The following KCND2 variants were observed in gnomAD, a reference collection of about 807,000 sequenced individuals.
The protein encoded by KCND2 is A-type voltage-gated potassium channel KCND2.
In KCND2, 16 loss-of-function variants were observed where a neutral mutation model predicts 54.4. The ratio of observed to expected loss-of-function variants is 0.29; its 90% CI spans 0.20 to 0.45. The LOEUF (loss-of-function observed/expected upper bound fraction) is 0.45. KCND2 is among the 20% of genes least tolerant of loss of function. The probability of loss-of-function intolerance (pLI) is 1.00; values close to 1 mark genes in which losing one functional copy is unlikely to be tolerated. For synonymous variants in KCND2, 317 were observed against 310.7 expected, an observed-to-expected ratio of 1.02 and a Z score of -0.21; for missense variants, 486 against 824.2, an observed-to-expected ratio of 0.59 and a Z score of 5.02.
At chr7:120,513,242 A>G (rs751193682) in intron 1 of KCND2, among the ~76,000 whole-genome samples, 1 of 152,168 alleles carries the variant, frequency 6.6e-6, no homozygotes, top group Non-Finnish European at 1.5e-5. Flanking sequence ...AGGTTTCGAC[A>G]TATGTACCTG....
chr7:120,429,018 A>C (rs774756074), intron 1 of KCND2, among the ~76,000 whole-genome samples: 1 of 152,098 alleles, frequency 6.6e-6, no homozygotes, highest in Non-Finnish European at 1.5e-5. Context: ...AATTGTCAAG[A>C]AGTTGGGAAG....
chr7:120,739,645 G>A (rs1792915065), intron 2 of KCND2, among the ~76,000 whole-genome samples: 1 of 151,914 alleles, frequency 6.6e-6, no homozygotes, highest in Non-Finnish European at 1.5e-5. Context: ...AATAAATTTA[G>A]GAAGGAAGGG....
chr7:120,650,855 TC>T (rs1791723256), intron 1 of KCND2, among the ~76,000 whole-genome samples: 1 of 143,818 alleles, frequency 7.0e-6, no homozygotes, highest in African/African-American at 2.7e-5. Flanking sequence ...CAGCTGCAGG[TC>T]TGTTGGAGTT....
At chr7:120,567,270 C>T (rs1378975738) in intron 1 of KCND2, among the ~76,000 whole-genome samples, 1 of 152,084 alleles carries the variant, frequency 6.6e-6, no homozygotes, top group Non-Finnish European at 1.5e-5. Flanking sequence ...AGTCTGTGGA[C>T]AGTCATATGT....
At chr7:120,729,492 AC>A (rs1355860226) in intron 1 of KCND2, among the ~76,000 whole-genome samples, 3 of 152,204 alleles carry the variant, frequency 2.0e-5, no homozygotes, top group Non-Finnish European at 2.9e-5. Flanking sequence ...GGCTGTCCTT[AC>A]ATGAGAAATT....
At chr7:120,726,122 T>C (rs573018467) in intron 1 of KCND2, among the ~76,000 whole-genome samples, 1 of 152,004 alleles carries the variant, frequency 6.6e-6, no homozygotes, top group African/African-American at 2.4e-5. Context: ...CTACATACAT[T>C]AGCTGATCCA....
In KCND2 at chr7:120,274,650, A is replaced by G. The variant is rs1370613574; in HGVS notation, c.18A>G (p.Ala6=). 1.2e-5 allele frequency: 19 copies of G among 1,613,974 alleles called. No individual in the cohort carries two copies. The highest frequency in any genetic ancestry group is 1.6e-5 in the Non-Finnish European group (19 of 1,180,006). Residue 6 remains alanine, a synonymous_variant, in exon 1 of 6, where the codon GCA becomes GCG. Coordinates refer to ENST00000331113, the MANE Select transcript of KCND2 (RefSeq NM_012281.3). ...AAGTAATCATGGCGGCGGGGGTGGCAGCGTGGCTGCCTTTTGCAAGGGCAG... is the reference window on the plus strand; with the variant it reads ...AAGTAATCATGGCGGCGGGGGTGGCGGCGTGGCTGCCTTTTGCAAGGGCAG... The part of the protein sequence containing the change: MAAGV[A]AWLPFARAAA...
At chr7:120,527,890 C>T (rs1791795874) in intron 1 of KCND2, among the ~76,000 whole-genome samples, 1 of 152,002 alleles carries the variant, frequency 6.6e-6, no homozygotes, top group African/African-American at 2.4e-5. Flanking sequence ...TAGGCTAAGT[C>T]ATAGATCCCT....
At chr7:120,490,530 A>G (rs942669877) in intron 1 of KCND2, among the ~76,000 whole-genome samples, 1 of 152,102 alleles carries the variant, frequency 6.6e-6, no homozygotes, top group Non-Finnish European at 1.5e-5. Flanking sequence ...GGACTTTAGA[A>G]CCCTATTAAG....
chr7:120,406,286 A>G (rs1481644231), intron 1 of KCND2, among the ~76,000 whole-genome samples: 1 of 152,006 alleles, frequency 6.6e-6, no homozygotes, highest in Non-Finnish European at 1.5e-5. Context: ...TCTTCTAGTA[A>G]TCTCAAAATC....
chr7:120,722,388 G>A (rs527472696), intron 1 of KCND2, among the ~76,000 whole-genome samples: 134 of 152,226 alleles, frequency 8.8e-4, no homozygotes, highest in African/African-American at 3.1e-3. Context: ...GGCCAGACCC[G>A]CCAGGAGGGA....
intron 1 of KCND2, among the ~76,000 whole-genome samples, chr7:120,732,357 A>G (rs558662780): frequency 2.9e-4 from 44 of 152,334 alleles, no homozygotes; most frequent in African/African-American, 9.9e-4. Context: ...TAAGCTACAA[A>G]TGAGAGATTG....
chr7:120,321,623 CA>C (rs2116330865), intron 1 of KCND2, among the ~76,000 whole-genome samples: 1 of 152,062 alleles, frequency 6.6e-6, no homozygotes, highest in African/African-American at 2.4e-5. Context: ...TTAGAGATTA[CA>C]AAGGTGAAAG....
intron 1 of KCND2, among the ~76,000 whole-genome samples, chr7:120,457,617 A>G (rs1174150203): frequency 6.6e-6 from 1 of 152,206 alleles, no homozygotes; most frequent in East Asian, 1.9e-4. Flanking sequence ...TTTTAGTCAA[A>G]GCTATTCAGC....
rs149119940 is a variant in KCND2 at position 120,275,100 on chromosome 7, C to G, written c.468C>G (p.Thr156=). 7.7e-5 allele frequency: 124 copies of G among 1,613,644 alleles called. No individual in the cohort carries two copies. Among genetic ancestry groups the G allele is most frequent in the Non-Finnish European group, 5.9e-5 (70 of 1,179,906 alleles). The change falls in exon 1 of 6, where the codon ACC becomes ACG. Residue 156 remains threonine (T), a synonymous_variant. Coordinates refer to ENST00000331113, the MANE Select transcript of KCND2 (RefSeq NM_012281.3). The part of the protein sequence containing the change: ...ERLQDDADTD[T]AGESALPTMT... ...TGCAGGACGACGCGGATACCGACAC[C>G]GCTGGGGAGAGCGCCTTGCCCACCA...
intron 1 of KCND2, among the ~76,000 whole-genome samples, chr7:120,369,311 C>T (rs1800732033): frequency 1.3e-5 from 2 of 151,844 alleles, no homozygotes; most frequent in African/African-American, 2.4e-5. Flanking sequence ...ATTTTCAACT[C>T]TAAGTTAAAA....
chr7:120,702,245 A>G (rs1312837987), intron 1 of KCND2, among the ~76,000 whole-genome samples: 1 of 152,210 alleles, frequency 6.6e-6, no homozygotes, highest in Non-Finnish European at 1.5e-5. Context: ...GTTAGATACC[A>G]TCCCACACCA....
At chr7:120,472,869 G>A (rs1451464246) in intron 1 of KCND2, among the ~76,000 whole-genome samples, 1 of 152,208 alleles carries the variant, frequency 6.6e-6, no homozygotes, top group Non-Finnish European at 1.5e-5. Flanking sequence ...TAAGCATGGG[G>A]CTGAAATCCA....
chr7:120,630,833 T>C (rs1396692145), intron 1 of KCND2, among the ~76,000 whole-genome samples: 1 of 152,194 alleles, frequency 6.6e-6, no homozygotes, highest in Non-Finnish European at 1.5e-5. Flanking sequence ...GTGAAAATTA[T>C]TCTTGCCAGA....
Sources: allele counts gnomAD v4.1 joint callset (sites outside exome capture counted in the v4.1 genomes callset), GRCh38; gene constraint gnomAD v4.1.1; transcripts MANE v1.5; gene names NCBI Gene and HGNC (gene_info 2026-07-23, HGNC 2026-07-21).